PSG2: variants seen among roughly 807,000 people sequenced by gnomAD.
The protein encoded by PSG2 is pregnancy specific beta-1-glycoprotein 2.
PSG2 carries 49 observed loss-of-function variants against 36.2 expected under a neutral mutation model. The observed-to-expected ratio is 1.35, with a 90% CI of 1.08 to 1.72. PSG2 has a LOEUF of 1.72. PSG2 is among the 40% of genes most tolerant of loss of function. The probability of loss-of-function intolerance (pLI) is 0.00; values close to 1 mark genes in which losing one functional copy is unlikely to be tolerated. For synonymous variants in PSG2, 261 were observed against 155.6 expected (o/e 1.68, Z -5.04); for missense variants, 605 against 407.2 (o/e 1.49, Z -4.18).
At chr19:43,074,012 G>A (rs1265656850) in intron 3 of PSG2, among the ~76,000 whole-genome samples, 11 of 151,660 alleles carry the variant, frequency 7.3e-5, no homozygotes, top group Non-Finnish European at 1.5e-4. Flanking sequence ...CCACGTTTCT[G>A]GCTTGGTGAT....
intron 4 of PSG2, among the ~76,000 whole-genome samples, chr19:43,070,403 C>T (rs1000930655): frequency 6.6e-6 from 1 of 151,618 alleles, no homozygotes; most frequent in African/African-American, 2.4e-5. Context: ...CACTGATGTT[C>T]AGAGAAGCAT....
At chr19:43,067,699 A>G (rs531306046) in intron 4 of PSG2, among the ~76,000 whole-genome samples, 1 of 151,420 alleles carries the variant, frequency 6.6e-6, no homozygotes, top group South Asian at 2.1e-4. Flanking sequence ...GTTGATGATG[A>G]TGATAGTAAT....
rs1013711278 is a variant in PSG2, at chr19:43,070,597, A to C, written c.964+1103T>G. 5.3e-5 allele frequency among the ~76,000 whole-genome samples: 8 copies of C among 151,770 alleles called. 1 individual carries two copies. Among genetic ancestry groups the C allele is most frequent in the African/African-American group, 1.7e-4 (7 of 41,122 alleles). On this transcript the variant is annotated intron_variant, in intron 4 of 5. Coordinates refer to ENST00000406487, the MANE Select transcript of PSG2 (RefSeq NM_031246.4). The stretch of plus-strand genomic sequence containing the variant: ...TGCTAACTGAAATAAGCCAGACACA[A>C]AAGGATAATTATTATATAATTCCAT...
rs548079891 is a variant in PSG2, at chr19:43,082,635, C to T, written c.-66G>A. 899 of 1,587,534 alleles carry T rather than the reference C, an allele frequency of 5.7e-4. 8 individuals carry two copies. The highest frequency in any genetic ancestry group is 3.5e-3 in the Middle Eastern group (21 of 5,980). ...CTAGGATCCAGAAACTTCCTGAGCACGGCTGTCAGCTGTGCTGTCCTTCCT... is the reference window on the plus strand; with the variant it reads ...CTAGGATCCAGAAACTTCCTGAGCATGGCTGTCAGCTGTGCTGTCCTTCCT... On this transcript the variant is annotated 5_prime_UTR_variant, in exon 1 of 6. In the 5' UTR this introduces an upstream ATG that the reference lacks. Transcript: ENST00000406487.
At position 43,075,060 on chromosome 19, in the gene PSG2, C is replaced by G. The variant is rs528439785; in HGVS notation, c.709+294G>C. ...CTGTGAGCCAAGCCGCAACACTGAA[C>G]TCCCAGCCAAATCCCCGCTGTGTTC... On this transcript the variant is annotated intron_variant, in intron 3 of 5. Coordinates refer to ENST00000406487, the MANE Select transcript of PSG2 (RefSeq NM_031246.4). Among the ~76,000 whole-genome samples, 74 of 151,782 alleles carry G rather than the reference C, an allele frequency of 4.9e-4. 1 individual carries two copies. The highest frequency in any genetic ancestry group is 2.7e-3 in the East Asian group (14 of 5,186).
chr19:43,065,076 C>A (rs1198112036), intron 5 of PSG2, among the ~76,000 whole-genome samples: 1 of 151,748 alleles, frequency 6.6e-6, no homozygotes, highest in Non-Finnish European at 1.5e-5. Flanking sequence ...ACCTCGTGAT[C>A]TACCCACCTC....
intron 3 of PSG2, 152 bp from the exon 4 acceptor site, chr19:43,072,106 T>A: frequency 1.5e-6 from 2 of 1,373,840 alleles, no homozygotes; most frequent in South Asian, 2.8e-5. Context: ...AACCCTGAAG[T>A]ATTCACCTGT....
At position 43,082,514 on chromosome 19, in the gene PSG2, A is replaced by T. The variant is rs529090804; in HGVS notation, c.56T>A (p.Leu19Gln). ...GGAAGTTCTCTCCTCACCTGTGACC[A>T]GGAGCCCCTTCCATTTGATGTGCTC... ...CTEHIKWKGL[L>Q]VTASLLNFWN... The change falls in exon 1 of 6, where the codon CTG (leucine) becomes CAG (glutamine). Residue 19 changes from leucine to glutamine, a missense_variant. Coordinates refer to ENST00000406487, the MANE Select transcript of PSG2 (RefSeq NM_031246.4). 1 of 1,611,818 alleles carries T rather than the reference A, an allele frequency of 6.2e-7. No homozygotes were observed. The highest frequency in any genetic ancestry group is 8.5e-7 in the Non-Finnish European group (1 of 1,178,934).
intron 2 of PSG2, 36 bp from the exon 3 acceptor site, chr19:43,075,668 G>A (rs1237810900): frequency 1.3e-6 from 2 of 1,589,138 alleles, no homozygotes; most frequent in South Asian, 2.3e-5. Flanking sequence ...GCCCTGTGTG[G>A]CACCTTTGAT....
At chr19:43,073,960 AG>A (rs1280914805) in intron 3 of PSG2, among the ~76,000 whole-genome samples, 1 of 151,698 alleles carries the variant, frequency 6.6e-6, no homozygotes, top group African/African-American at 2.4e-5. Flanking sequence ...CAAAAGTGGG[AG>A]GTGATAAGCC....
At position 43,066,570 on chromosome 19, in the gene PSG2, A is replaced by G. The variant is rs1058473; in HGVS notation, c.995T>C (p.Leu332Pro). 6.2e-7 allele frequency: 1 copy of G among 1,601,268 alleles called. No individual in the cohort carries two copies. Among genetic ancestry groups the G allele is most frequent in the South Asian group, 1.1e-5 (1 of 90,834 alleles). ...ASTRIGLLPL[L>P]NPT ...ACATCACAGCTGCTATGTTGGATTAAGGAGAGGAAGAAGTCCTATTCTTGT... is the reference window on the plus strand; with the variant it reads ...ACATCACAGCTGCTATGTTGGATTAGGGAGAGGAAGAAGTCCTATTCTTGT... The change falls in exon 5 of 6, where the codon CTT becomes CCT. Residue 332 changes from leucine to proline, a missense_variant. Physicochemically the swap from Leu to Pro is moderately conservative, Grantham distance 98. Coordinates refer to ENST00000406487, the MANE Select transcript of PSG2 (RefSeq NM_031246.4).
Position 43,064,604 on chromosome 19 carries a change from T to C in PSG2, c.*41-3A>G. ...TAAGAGACCTTTCCATAAATCTCCT[T>C]GAAGAAAAAGCAATTTTGGACTGTA... On this transcript the variant is annotated splice_region_variant and splice_polypyrimidine_tract_variant and intron_variant, in intron 5 of 5. Coordinates refer to ENST00000406487, the MANE Select transcript of PSG2 (RefSeq NM_031246.4). The C allele has an allele frequency of 1.5e-6, 1 of 653,560 alleles. No individual in the cohort carries two copies. Among genetic ancestry groups the C allele is most frequent in the South Asian group, 1.6e-5 (1 of 64,174 alleles). 40.5% of individuals were successfully genotyped at this position (653,560 alleles called of 1,614,324 possible).
chr19:43,078,301 C>T (rs1325720514), intron 2 of PSG2, among the ~76,000 whole-genome samples: 1 of 151,718 alleles, frequency 6.6e-6, no homozygotes, highest in Non-Finnish European at 1.5e-5. Flanking sequence ...TAGTGAAAGA[C>T]CATGAGATTA....
Position 43,082,544 on chromosome 19 carries a change from C to G in PSG2, c.26G>C (p.Cys9Ser). Reference protein sequence around the residue: MGPLSAPPCTEHIKWKGLL... With the variant: MGPLSAPPSTEHIKWKGLL... The stretch of plus-strand genomic sequence containing the variant: ...CCCCTTCCATTTGATGTGCTCTGTG[C>G]AGGGAGGGGCTGAGAGGGGCCCCAT... Residue 9 changes from cysteine to serine, a missense_variant, in exon 1 of 6, where the codon TGC becomes TCC. Coordinates refer to ENST00000406487, the MANE Select transcript of PSG2 (RefSeq NM_031246.4). 6.2e-7 allele frequency: 1 copy of G among 1,612,102 alleles called. No individual in the cohort carries two copies. The highest frequency in any genetic ancestry group is 1.1e-5 in the South Asian group (1 of 91,018).
chr19:43,077,428 G>A (rs1967912696), intron 2 of PSG2, among the ~76,000 whole-genome samples: 1 of 151,772 alleles, frequency 6.6e-6, no homozygotes, highest in African/African-American at 2.4e-5. Flanking sequence ...GAAAAATGGG[G>A]AGGACCCCAA....
In PSG2 at chr19:43,066,858, A is replaced by G. The variant is rs200534237; in HGVS notation, c.965-258T>C. Among the ~76,000 whole-genome samples the G allele has an allele frequency of 1.6e-4, 24 of 150,600 alleles. No homozygotes were observed. The East Asian group carries it at 4.7e-3, about 29-fold the overall frequency. On this transcript the variant is annotated intron_variant, in intron 4 of 5. Transcript: ENST00000406487. ...TTTGGAAGGCTTTCAGATGTGAGAA[A>G]GGCTGATTGCTATTTTCTATGTCAT...
At chr19:43,072,411 A>G (rs1967832819) in intron 3 of PSG2, 1 of 1,612,406 alleles carries the variant, frequency 6.2e-7, no homozygotes, top group African/African-American at 1.3e-5. Context: ...CGTATTTCAC[A>G]TTCATAGGGT....
At position 43,080,874 on chromosome 19, in the gene PSG2, C is replaced by T. The variant is rs748588188; in HGVS notation, c.430+7G>A. The T allele has an allele frequency of 3.7e-6, 6 of 1,611,908 alleles. No individual in the cohort carries two copies. The highest frequency in any genetic ancestry group is 1.1e-5 in the South Asian group (1 of 90,858). ...CCAACACCCAGGGATCATGTGGAAT[C>T]ACTTACGGTATAAGGTGAAGGTGAA... On this transcript the variant is annotated splice_region_variant and intron_variant, in intron 2 of 5. Transcript: ENST00000406487.
At chr19:43,067,048 C>T (rs1365787331) in intron 4 of PSG2, among the ~76,000 whole-genome samples, 2 of 151,446 alleles carry the variant, frequency 1.3e-5, no homozygotes, top group Non-Finnish European at 2.9e-5. Context: ...GCACAGAAAG[C>T]TTCTTTCCTA....
Sources: gnomAD v4.1 joint callset for allele counts (sites outside exome capture counted in the v4.1 genomes callset) on GRCh38, gnomAD v4.1.1 for gene constraint, MANE v1.5 for transcripts, NCBI Gene and HGNC (gene_info 2026-07-23, HGNC 2026-07-21) for gene names.